The following GRHL1 variants were observed in gnomAD, a reference collection of about 807,000 sequenced individuals.
GRHL1 encodes the protein grainyhead-like protein 1 homolog.
Under a neutral mutation model 75.7 loss-of-function variants are expected in GRHL1, and 38 were observed. The ratio of observed to expected loss-of-function variants is 0.50; its 90% confidence interval spans 0.39 to 0.66. The LOEUF (loss-of-function observed/expected upper bound fraction) is 0.66. GRHL1 is among the 30% of genes least tolerant of loss of function. The pLI, the probability that GRHL1 is intolerant of heterozygous loss-of-function variation, is 0.00. For missense variants in GRHL1, 589 were observed against 767.5 expected (o/e 0.77, Z 2.75); for synonymous variants, 266 against 279.4 (o/e 0.95, Z 0.48).
At chr2:9,952,678 C>T (rs891982721) in intron 1 of GRHL1, among the ~76,000 whole-genome samples, 1 of 152,122 alleles carries the variant, frequency 6.6e-6, no homozygotes, top group Non-Finnish European at 1.5e-5. Flanking sequence ...TGCAGCTTTT[C>T]TGAAAATATA....
At chr2:9,995,644 A>G (rs1265495189) in intron 12 of GRHL1, among the ~76,000 whole-genome samples, 7 of 151,804 alleles carry the variant, frequency 4.6e-5, no homozygotes. Flanking sequence ...ATCTGATGAG[A>G]GTGCAGATAC....
In GRHL1 at chr2:9,954,905, T is replaced by C. The variant is rs1436259440; in HGVS notation, c.21-10T>C. 3 of 1,610,228 alleles carry C rather than the reference T, an allele frequency of 1.9e-6. No individual in the cohort carries two copies. Among genetic ancestry groups the C allele is most frequent in the Middle Eastern group, 1.7e-4 (1 of 6,046 alleles). ...TGTGTGTTTTTGTTTTTTTTTTAAT[T>C]TCTCTGAAGCAAACGGCCAGTGTTG... On this transcript the variant is annotated splice_polypyrimidine_tract_variant and intron_variant, in intron 1 of 15. Coordinates refer to ENST00000324907, the MANE Select transcript of GRHL1 (RefSeq NM_198182.3).
intron 12 of GRHL1, among the ~76,000 whole-genome samples, chr2:9,995,538 T>G (rs1426089329): frequency 6.6e-6 from 1 of 151,610 alleles, no homozygotes; most frequent in African/African-American, 2.4e-5. Context: ...TGATCCATGA[T>G]TGCACCACTG....
intron 3 of GRHL1, chr2:9,960,124 A>C (rs1667207609): frequency 6.6e-6 from 1 of 152,312 alleles, no homozygotes; most frequent in African/African-American, 2.4e-5. Flanking sequence ...ATGCAATGTA[A>C]CAATAGGTTT....
chr2:9,982,978 A>G (rs996115503), intron 8 of GRHL1, among the ~76,000 whole-genome samples: 7 of 151,822 alleles, frequency 4.6e-5, no homozygotes, highest in Non-Finnish European at 7.3e-5. Flanking sequence ...GGACCCTTGC[A>G]CTGGGTCGCA....
intron 12 of GRHL1, 85 bp from the exon 13 acceptor site, chr2:9,995,794 A>C: frequency 1.3e-6 from 1 of 750,874 alleles, no homozygotes; most frequent in South Asian, 1.6e-5. Context: ...TTTTAAATCT[A>C]GTTCCATGAC....
chr2:9,984,311 T>G (rs1156394603), intron 8 of GRHL1, among the ~76,000 whole-genome samples: 1 of 151,908 alleles, frequency 6.6e-6, no homozygotes, highest in Non-Finnish European at 1.5e-5. Flanking sequence ...AATCTTCCCC[T>G]GTCAGCTCAC....
chr2:9,994,980 C>A (rs1476949930), intron 12 of GRHL1, among the ~76,000 whole-genome samples: 1 of 152,110 alleles, frequency 6.6e-6, no homozygotes, highest in Non-Finnish European at 1.5e-5. Flanking sequence ...TCCTGGGGTC[C>A]CCTCCAGTCT....
chr2:9,984,379 T>C (rs556091620), intron 8 of GRHL1, among the ~76,000 whole-genome samples: 11 of 152,156 alleles, frequency 7.2e-5, no homozygotes, highest in Non-Finnish European at 1.6e-4. Context: ...ATTCCAATAA[T>C]GTCCACTATG....
intron 3 of GRHL1, chr2:9,959,801 C>G (rs1667191008): frequency 6.6e-6 from 1 of 152,200 alleles, no homozygotes; most frequent in Non-Finnish European, 1.5e-5. Context: ...CATTCTGAAG[C>G]AAACTGTAAA....
At chr2:9,998,447 T>TGTGTGTGTATATATACGTATATATAC (rs1456726928) in intron 14 of GRHL1, among the ~76,000 whole-genome samples, 3 of 50,918 alleles carry the variant, frequency 5.9e-5, no homozygotes, top group Non-Finnish European at 1.2e-4. Flanking sequence ...TGTGTGTGTG[T>TGTGTGTGTATATATACGTATATATAC]GTATATATAT....
intron 8 of GRHL1, among the ~76,000 whole-genome samples, chr2:9,970,730 C>CT (rs1312940490): frequency 1.3e-5 from 2 of 152,182 alleles, no homozygotes; most frequent in Non-Finnish European, 1.5e-5. Flanking sequence ...GAAGAAAACC[C>CT]TGTCAGAACA....
rs199687923 is a variant in GRHL1, at chr2:9,958,792, A to G, written c.214A>G (p.Arg72Gly). ...TCATGTGTGCTAATATCAGGTTCCA[A>G]GAGAGAGAAGGTCATCAACAGCAAA... ...GLLYDYYKVP[R>G]ERRSSTAKPE... is the part of the protein sequence containing the mutation. Residue 72 changes from arginine to glycine, a missense_variant, in exon 3 of 16, where the codon AGA becomes GGA. Transcript: ENST00000324907. 341 of 1,612,932 alleles carry G rather than the reference A, an allele frequency of 2.1e-4. No homozygotes were observed. Among genetic ancestry groups the G allele is most frequent in the Non-Finnish European group, 2.3e-4 (266 of 1,179,060 alleles).
At position 9,990,195 on chromosome 2, in the gene GRHL1, C is replaced by T. The variant is rs537295829; in HGVS notation, c.1270-501C>T. Among the ~76,000 whole-genome samples the T allele has an allele frequency of 1.2e-3, 186 of 152,064 alleles. No individual in the cohort carries two copies. The highest frequency in any genetic ancestry group is 2.3e-3 in the Non-Finnish European group (157 of 67,978). ...ACAGAGTTTCGCTTTGTCACCCAGG[C>T]TGGAGTGCAGTGGTGTGATCTCAGC... On this transcript the variant is annotated intron_variant, in intron 9 of 15. Coordinates refer to ENST00000324907, the MANE Select transcript of GRHL1 (RefSeq NM_198182.3). The surrounding 1 kb of genome is among the most constrained non-coding windows in gnomAD (Gnocchi z 4.2).
intron 5 of GRHL1, 149 bp from the exon 6 acceptor site, chr2:9,963,737 C>G: frequency 1.8e-6 from 1 of 556,358 alleles, no homozygotes; most frequent in Non-Finnish European, 3.2e-6. Context: ...ACTTCCACCT[C>G]TGAGAGACTT....
chr2:9,992,188 G>GC lies in GRHL1; in HGVS notation c.1461+43dup. ...CCAGGGGAGGTTACCAGGAAGGAAG[G>GC]CATGGCAAAAGGAAATTCTTTGGCA... On this transcript the variant is annotated intron_variant, in intron 11 of 15. Transcript: ENST00000324907. The surrounding 1 kb of genome is among the most constrained non-coding windows in gnomAD (Gnocchi z 4.6). The GC allele has an allele frequency of 6.3e-7, 1 of 1,586,486 alleles. No homozygotes were observed. Among genetic ancestry groups the GC allele is most frequent in the African/African-American group, 1.4e-5 (1 of 73,938 alleles).
intron 5 of GRHL1, among the ~76,000 whole-genome samples, chr2:9,963,288 T>C (rs1375519223): frequency 6.6e-6 from 1 of 152,244 alleles, no homozygotes; most frequent in Non-Finnish European, 1.5e-5. Flanking sequence ...TCTGCCATTG[T>C]GCAAAAGCAG....
chr2:9,959,627 G>A (rs1667180585), intron 3 of GRHL1: 1 of 152,042 alleles, frequency 6.6e-6, no homozygotes. Flanking sequence ...TTTTCATTAT[G>A]GGCATTTTCA....
chr2:9,966,547 G>C (rs1286724272), intron 8 of GRHL1: 1 of 152,070 alleles, frequency 6.6e-6, no homozygotes, highest in Non-Finnish European at 1.5e-5. Flanking sequence ...TCATCTTCTT[G>C]TCCTTTCTCA....
Sources: gnomAD v4.1 joint callset for allele counts (sites outside exome capture counted in the v4.1 genomes callset) on GRCh38, gnomAD v4.1.1 for gene constraint, Gnocchi (gnomAD v3.1) non-coding constraint, MANE v1.5 for transcripts, NCBI Gene and HGNC (gene_info 2026-07-23, HGNC 2026-07-21) for gene names.